The following DOCK8 variants were observed in gnomAD, a reference collection of about 807,000 sequenced individuals.
DOCK8 encodes the protein dedicator of cytokinesis 8, also known as dedicator of cytokinesis protein 8.
A neutral mutation model predicts 245.6 loss-of-function variants in DOCK8; 141 were observed. The observed-to-expected ratio is 0.57, with a 90% CI of 0.50 to 0.66. The LOEUF (loss-of-function observed/expected upper bound fraction) is 0.66. DOCK8 is among the 30% of genes least tolerant of loss of function. The pLI, the probability that DOCK8 is intolerant of heterozygous loss-of-function variation, is 0.00. For missense variants in DOCK8, 2,965 were observed against 2,603.4 expected, an observed-to-expected ratio of 1.14 and a Z score of -3.02; for synonymous variants, 1,168 against 970.2, an observed-to-expected ratio of 1.20 and a Z score of -3.79.
At chr9:289,061 A>G (rs6476030) in intron 3 of DOCK8, among the ~76,000 whole-genome samples, 10,459 of 152,278 alleles carry the variant, frequency 0.069, 618 homozygotes, top group African/African-American at 0.16. Context: ...TTGCAATTTC[A>G]TCAAAGCATA....
intron 1 of DOCK8, among the ~76,000 whole-genome samples, chr9:257,532 T>C (rs1447079584): frequency 1.3e-5 from 2 of 152,130 alleles, no homozygotes; most frequent in African/African-American, 4.8e-5. Context: ...TTTGGTTTTG[T>C]TTTTTTGAGA....
chr9:256,474 A>T (rs567264672), intron 1 of DOCK8, among the ~76,000 whole-genome samples: 1 of 152,312 alleles, frequency 6.6e-6, no homozygotes, highest in African/African-American at 2.4e-5. Flanking sequence ...GGGAGCTGTT[A>T]TGAGGATAAA....
intron 7 of DOCK8, among the ~76,000 whole-genome samples, chr9:323,292 C>T (rs867163382): frequency 6.6e-5 from 9 of 135,460 alleles, no homozygotes; most frequent in East Asian, 4.8e-4. Flanking sequence ...GGCATGATCT[C>T]GGCTCACTGC....
intron 24 of DOCK8, among the ~76,000 whole-genome samples, chr9:393,382 T>C (rs1564002593): frequency 6.6e-6 from 1 of 152,222 alleles, no homozygotes; most frequent in Non-Finnish European, 1.5e-5. Flanking sequence ...AGCATCTTAC[T>C]ATATATGTGC....
chr9:436,220 T>C (rs887499740), intron 39 of DOCK8, among the ~76,000 whole-genome samples: 1 of 152,272 alleles, frequency 6.6e-6, no homozygotes, highest in Non-Finnish European at 1.5e-5. Flanking sequence ...ATAGTCATTC[T>C]GTGATTTCAT....
At chr9:356,552 A>C (rs1291471577) in intron 14 of DOCK8, among the ~76,000 whole-genome samples, 1 of 151,670 alleles carries the variant, frequency 6.6e-6, no homozygotes, top group Non-Finnish European at 1.5e-5. Context: ...AAAAGAAAAA[A>C]TTTGGTTTGG....
chr9:305,502 G>GTC (rs1161559333), intron 5 of DOCK8, among the ~76,000 whole-genome samples: 2 of 152,064 alleles, frequency 1.3e-5, no homozygotes, highest in Non-Finnish European at 2.9e-5. Flanking sequence ...AGTCAGGATG[G>GTC]TCCTGATCTC....
intron 14 of DOCK8, among the ~76,000 whole-genome samples, chr9:358,252 T>TA (rs757202324): frequency 2.3e-4 from 35 of 149,966 alleles, no homozygotes; most frequent in Non-Finnish European, 4.2e-4. Context: ...GCCTGGCTAA[T>TA]AAAAAAAAAA....
At chr9:382,727 T>A (rs1296651447) in intron 22 of DOCK8, 42 bp downstream of exon 22, 1 of 1,607,786 alleles carries the variant, frequency 6.2e-7, no homozygotes, top group Non-Finnish European at 8.5e-7. Flanking sequence ...ACAGGCTTTT[T>A]TATTTTTTAA....
chr9:230,929 G>T (rs2047101864), intron 1 of DOCK8, among the ~76,000 whole-genome samples: 1 of 152,038 alleles, frequency 6.6e-6, no homozygotes, highest in African/African-American at 2.4e-5. Flanking sequence ...GTCAATTGTG[G>T]CTTTTGTTGC....
intron 2 of DOCK8, chr9:273,216 T>C: frequency 1.3e-6 from 1 of 758,364 alleles, no homozygotes; most frequent in Admixed American, 6.2e-5. Flanking sequence ...GAGGTAACTT[T>C]CCATGCCATT....
intron 4 of DOCK8, among the ~76,000 whole-genome samples, chr9:300,273 C>G (rs973143046): frequency 5.3e-5 from 8 of 152,170 alleles, no homozygotes; most frequent in African/African-American, 1.9e-4. Flanking sequence ...GAGTTATAAA[C>G]TTTGTATTTG....
chr9:357,048 C>G (rs1005236580), intron 14 of DOCK8, among the ~76,000 whole-genome samples: 3 of 152,152 alleles, frequency 2.0e-5, no homozygotes, highest in African/African-American at 4.8e-5. Flanking sequence ...TGGGTCTTTG[C>G]TATTGAAAAC....
chr9:371,848 G>C (rs899100664), intron 17 of DOCK8, among the ~76,000 whole-genome samples: 8 of 152,116 alleles, frequency 5.3e-5, no homozygotes, highest in African/African-American at 1.9e-4. Flanking sequence ...CATGCTTCAC[G>C]TATAGAACTA....
chr9:234,201 C>G (rs561627908), intron 1 of DOCK8, among the ~76,000 whole-genome samples: 8 of 152,272 alleles, frequency 5.3e-5, no homozygotes, highest in Non-Finnish European at 1.0e-4. Context: ...AAATTCTTTC[C>G]TTTCAGAATG....
At chr9:398,027 G>A (rs1341895005) in intron 25 of DOCK8, among the ~76,000 whole-genome samples, 10 of 152,194 alleles carry the variant, frequency 6.6e-5, no homozygotes, top group Admixed American at 2.0e-4. Flanking sequence ...ATTATTAATC[G>A]CTTTGTCGTT....
intron 1 of DOCK8, among the ~76,000 whole-genome samples, chr9:259,510 T>C (rs1280964007): frequency 6.6e-6 from 1 of 152,196 alleles, no homozygotes; most frequent in Non-Finnish European, 1.5e-5. Flanking sequence ...TGGGTTCAAA[T>C]CCTCCAGACA....
At chr9:399,811 C>G (rs577515004) in intron 26 of DOCK8, among the ~76,000 whole-genome samples, 1 of 152,024 alleles carries the variant, frequency 6.6e-6, no homozygotes, top group East Asian at 1.9e-4. Flanking sequence ...CATGTGCTGT[C>G]TCCCTCAAAC....
intron 46 of DOCK8, chr9:456,681 C>G (rs2057653004): frequency 6.6e-6 from 1 of 152,220 alleles, no homozygotes; most frequent in African/African-American, 2.4e-5. Flanking sequence ...CAAGCTGGGA[C>G]CTCAATCAGC....
Sources: gnomAD v4.1 joint callset for allele counts (sites outside exome capture counted in the v4.1 genomes callset) on GRCh38, gnomAD v4.1.1 for gene constraint, MANE v1.5 for transcripts, NCBI Gene and HGNC (gene_info 2026-07-23, HGNC 2026-07-21) for gene names.